PPID: variants seen among roughly 807,000 people sequenced by gnomAD.
The protein encoded by PPID is peptidylprolyl isomerase D.
A neutral mutation model predicts 48.1 loss-of-function variants in PPID; 47 were observed. The observed-to-expected ratio is 0.98, with a 90% CI of 0.77 to 1.25. PPID has a LOEUF of 1.25. Ranked by LOEUF, PPID falls within the 50% of genes most tolerant of loss-of-function variation. The probability of loss-of-function intolerance (pLI) is 0.00; values close to 1 mark genes in which losing one functional copy is unlikely to be tolerated. For missense variants in PPID, 429 were observed against 443.5 expected (o/e 0.97, Z 0.29); for synonymous variants, 163 against 148.8 (o/e 1.10, Z -0.69).
In PPID at chr4:158,710,632, A is replaced by G; in HGVS notation, c.1020T>C (p.Asp340=). 6.2e-7 allele frequency: 1 copy of G among 1,613,652 alleles called. No individual in the cohort carries two copies. Among genetic ancestry groups the G allele is most frequent in the Non-Finnish European group, 8.5e-7 (1 of 1,179,730 alleles). Residue 340 remains aspartate, a synonymous_variant, in exon 9 of 10, where the codon GAT becomes GAC. Coordinates refer to ENST00000307720, the MANE Select transcript of PPID (RefSeq NM_005038.3). ...CTACAAAAGCTGCCAACTTACCTTT[A>G]TCTTCTGGTGCTATCCCCTGAGCTT... ...LKKAQGIAPE[D]KAIQAELLKV... is the part of the protein sequence containing the mutation.
chr4:158,720,357 AT>A (rs17843899), intron 2 of PPID, among the ~76,000 whole-genome samples: 84,090 of 152,134 alleles, frequency 0.55, 28,221 homozygotes, highest in East Asian at 0.83. Flanking sequence ...CATTTTAAAT[AT>A]TTTTTAAAAA....
At chr4:158,721,261 A>G in intron 2 of PPID, 82 bp downstream of exon 2, 3 of 1,494,482 alleles carry the variant, frequency 2.0e-6, no homozygotes, top group Non-Finnish European at 2.8e-6. Flanking sequence ...TTCACTTCCT[A>G]CTTAGTGTTT....
At chr4:158,713,944 A>T (rs1320024455) in intron 6 of PPID, among the ~76,000 whole-genome samples, 2 of 152,124 alleles carry the variant, frequency 1.3e-5, no homozygotes, top group Non-Finnish European at 2.9e-5. Flanking sequence ...CTACTTGGGA[A>T]GGTGAGGAGG....
intron 2 of PPID, among the ~76,000 whole-genome samples, chr4:158,719,741 G>T (rs1395589956): frequency 6.6e-6 from 1 of 152,126 alleles, no homozygotes; most frequent in Non-Finnish European, 1.5e-5. Flanking sequence ...GCTGAATACA[G>T]ACCAATGATT....
rs556821308 is a variant in PPID at position 158,716,952 on chromosome 4, C to G, written c.522+60G>C. The G allele has an allele frequency of 1.2e-4, 178 of 1,511,712 alleles. 3 individuals are homozygous for G. In the Admixed American group the frequency reaches 3.0e-3, roughly 26 times the overall value. 93.6% of individuals were successfully genotyped at this position (1,511,712 alleles called of 1,614,324 possible). On this transcript the variant is annotated intron_variant, in intron 4 of 9. Coordinates refer to ENST00000307720, the MANE Select transcript of PPID (RefSeq NM_005038.3). ...CTCCAGCCTGGAACAGATCGAGACT[C>G]CGTCTCAAAAAGATAGCAACTAAGA...
rs373945693 is a variant in PPID at position 158,717,182 on chromosome 4, G to C, written c.352C>G (p.Leu118Val). 1.8e-5 allele frequency: 29 copies of C among 1,613,314 alleles called. No individual in the cohort carries two copies. The highest frequency in any genetic ancestry group is 2.5e-5 in the Non-Finnish European group (29 of 1,179,812). ...FHYKHDREGL[L>V]SMANAGRNTN... ...TTGCGGCCTGCATTTGCCATGCTCA[G>C]TAAACCCTCCCGATCATGCTGTAGA... The change falls in exon 4 of 10, where the codon CTG (leucine) becomes GTG (valine). Residue 118 changes from leucine to valine, a missense_variant. Leu to Val is a conservative substitution (Grantham distance 32). Transcript: ENST00000307720.
chr4:158,723,373 C>T lies in PPID; in HGVS notation c.-85G>A, dbSNP rs958280972. On this transcript the variant is annotated 5_prime_UTR_variant, in exon 1 of 10. Transcript: ENST00000307720. ...CCCAAACTCCAGAGTCCGTCTCCGC[C>T]GGAGACCGGCAGCGACGCTGACCGG... 1.5e-6 allele frequency: 2 copies of T among 1,373,116 alleles called. No homozygotes were observed. The highest frequency in any genetic ancestry group is 1.4e-5 in the African/African-American group (1 of 69,196). The allele number at this position is 1,373,116 out of a possible 1,614,324, so 85.1% of individuals were successfully genotyped here.
At chr4:158,721,744 A>G (rs1316879345) in intron 1 of PPID, among the ~76,000 whole-genome samples, 1 of 152,200 alleles carries the variant, frequency 6.6e-6, no homozygotes, top group African/African-American at 2.4e-5. Context: ...CCAACCCCTG[A>G]AATCCACCAT....
rs199804778 is a variant in PPID at position 158,719,289 on chromosome 4, A to G, written c.227-3T>C. 4.4e-4 allele frequency: 694 copies of G among 1,567,094 alleles called. 6 individuals are homozygous for G. Among genetic ancestry groups the G allele is most frequent in the Middle Eastern group, 1.7e-4 (1 of 5,994 alleles). On this transcript the variant is annotated splice_polypyrimidine_tract_variant and splice_region_variant and intron_variant, in intron 2 of 9. Transcript: ENST00000307720. ...CTGAATCATAAATTTCTTAATAACTACAAAAAAGGAAAATGGCTATTAGTG... is the reference window on the plus strand; with the variant it reads ...CTGAATCATAAATTTCTTAATAACTGCAAAAAAGGAAAATGGCTATTAGTG...
chr4:158,716,720 G>A (rs1161343947), intron 4 of PPID, among the ~76,000 whole-genome samples: 1 of 152,170 alleles, frequency 6.6e-6, no homozygotes, highest in African/African-American at 2.4e-5. Context: ...AGCACTTTGG[G>A]AGGCCGAGGT....
intron 3 of PPID, 48 bp downstream of exon 3, chr4:158,719,132 A>G: frequency 8.0e-7 from 1 of 1,254,898 alleles, no homozygotes; most frequent in Non-Finnish European, 1.2e-6. Flanking sequence ...TATTCCAGAT[A>G]TATAACAATC....
intron 1 of PPID, 92 bp downstream of exon 1, chr4:158,723,112 C>T (rs1020014987): frequency 7.7e-6 from 10 of 1,304,638 alleles, no homozygotes; most frequent in Admixed American, 2.0e-5. Context: ...GAGCAGTCAC[C>T]GGCCGGAGCC....
chr4:158,713,925 T>C (rs142524287), intron 6 of PPID, among the ~76,000 whole-genome samples: 1 of 151,992 alleles, frequency 6.6e-6, no homozygotes, highest in Non-Finnish European at 1.5e-5. Flanking sequence ...AGATATCCTC[T>C]AGTCCCTGCT....
chr4:158,723,171 G>C (rs1363889431), intron 1 of PPID, 33 bp downstream of exon 1: 7 of 1,592,058 alleles, frequency 4.4e-6, no homozygotes, highest in East Asian at 2.2e-5. Flanking sequence ...CCGCCTCCTC[G>C]GGGCTTTTCC....
At chr4:158,709,888 A>G (rs1343391694) in intron 9 of PPID, 64 bp from the exon 10 acceptor site, 81 of 1,347,868 alleles carry the variant, frequency 6.0e-5, no homozygotes, top group Non-Finnish European at 8.2e-5. Flanking sequence ...GGTGACTAAC[A>G]AACTATTTTA....
At position 158,715,549 on chromosome 4, in the gene PPID, T is replaced by C; in HGVS notation, c.645+13A>G. 1 of 1,612,886 alleles carries C rather than the reference T, an allele frequency of 6.2e-7. No individual in the cohort carries two copies. Among genetic ancestry groups the C allele is most frequent in the Non-Finnish European group, 8.5e-7 (1 of 1,179,120 alleles). On this transcript the variant is annotated intron_variant, in intron 5 of 9. Coordinates refer to ENST00000307720, the MANE Select transcript of PPID (RefSeq NM_005038.3). ...TAAATTAATTAAAGTTTGACTAATC[T>C]GAAAGTACTCACATCTTTTAAATCT...
intron 2 of PPID, among the ~76,000 whole-genome samples, chr4:158,720,915 C>T (rs1405632339): frequency 1.3e-5 from 2 of 152,046 alleles, no homozygotes; most frequent in Admixed American, 6.6e-5. Flanking sequence ...GGGGTTTCAC[C>T]GCGTTAGCCA....
At chr4:158,720,272 ACACTTG>A (rs1190461837) in intron 2 of PPID, among the ~76,000 whole-genome samples, 2 of 152,236 alleles carry the variant, frequency 1.3e-5, no homozygotes, top group African/African-American at 2.4e-5. Context: ...TAGCAGTCTC[ACACTTG>A]CTATGTTAAA....
At chr4:158,714,435 C>A (rs1207655162) in intron 6 of PPID, among the ~76,000 whole-genome samples, 10 of 152,220 alleles carry the variant, frequency 6.6e-5, no homozygotes, top group Admixed American at 6.5e-4. Flanking sequence ...TCTATAAAAA[C>A]AACTGACTTG....
Sources: gnomAD v4.1 joint callset for allele counts (sites outside exome capture counted in the v4.1 genomes callset) on GRCh38, gnomAD v4.1.1 for gene constraint, MANE v1.5 for transcripts, NCBI Gene and HGNC (gene_info 2026-07-23, HGNC 2026-07-21) for gene names.